The following UBE2E3 variants were observed in gnomAD, a reference collection of about 807,000 sequenced individuals.
The protein encoded by UBE2E3 is ubiquitin conjugating enzyme E2 E3.
A neutral mutation model predicts 23.6 loss-of-function variants in UBE2E3; 5 were observed. That is an observed-to-expected ratio of 0.21 (90% confidence interval 0.11 to 0.44). The LOEUF (loss-of-function observed/expected upper bound fraction) is 0.44. Among genes scored for constraint, UBE2E3 ranks in the 20% least tolerant of loss-of-function variants. The probability of loss-of-function intolerance (pLI) is 0.99; values close to 1 mark genes in which losing one functional copy is unlikely to be tolerated. For missense variants in UBE2E3, 81 were observed against 249.8 expected (o/e 0.32, Z 4.55); for synonymous variants, 78 against 87.5 (o/e 0.89, Z 0.60).
At chr2:181,040,612 G>C (rs1043013588) in intron 3 of UBE2E3, among the ~76,000 whole-genome samples, 2 of 152,092 alleles carry the variant, frequency 1.3e-5, no homozygotes, top group Non-Finnish European at 2.9e-5. Flanking sequence ...TTTCTATTTA[G>C]TATAAGGTAT....
chr2:181,046,083 T>C (rs1686666030), intron 3 of UBE2E3, among the ~76,000 whole-genome samples: 1 of 152,166 alleles, frequency 6.6e-6, no homozygotes. Flanking sequence ...CAGTACCCAC[T>C]AGTGCCTGGC....
intron 3 of UBE2E3, among the ~76,000 whole-genome samples, chr2:181,057,396 G>A (rs1210061866): frequency 1.3e-5 from 2 of 151,792 alleles, no homozygotes; most frequent in African/African-American, 4.8e-5. Flanking sequence ...TTAGAGGGGT[G>A]TGTGTTTCGG....
At chr2:181,038,316 A>G (rs534920697) in intron 3 of UBE2E3, among the ~76,000 whole-genome samples, 5 of 152,240 alleles carry the variant, frequency 3.3e-5, no homozygotes, top group African/African-American at 1.2e-4. Context: ...GCAATAGGCT[A>G]TACCATATAA....
intron 3 of UBE2E3, among the ~76,000 whole-genome samples, chr2:181,028,669 G>C (rs1165019508): frequency 6.6e-6 from 1 of 151,894 alleles, no homozygotes; most frequent in Middle Eastern, 3.2e-3. Context: ...ATTTTTTTAT[G>C]TTTATCTTCC....
At chr2:180,992,332 A>G (rs1161501144) in intron 3 of UBE2E3, among the ~76,000 whole-genome samples, 2 of 152,206 alleles carry the variant, frequency 1.3e-5, no homozygotes, top group African/African-American at 4.8e-5. Flanking sequence ...CTTAAACACA[A>G]GTATTAAGTA....
intron 3 of UBE2E3, among the ~76,000 whole-genome samples, chr2:181,022,442 A>C (rs1208702952): frequency 2.6e-5 from 4 of 152,128 alleles, no homozygotes; most frequent in African/African-American, 4.8e-5. Flanking sequence ...CTTCTAGTTA[A>C]TTATGTAAAT....
At chr2:181,030,621 G>A (rs1260301161) in intron 3 of UBE2E3, among the ~76,000 whole-genome samples, 1 of 152,020 alleles carries the variant, frequency 6.6e-6, no homozygotes, top group Admixed American at 6.5e-5. Flanking sequence ...ATTCTCAGAA[G>A]CGTTTTAAGA....
At chr2:181,016,788 T>C (rs971923756) in intron 3 of UBE2E3, among the ~76,000 whole-genome samples, 1 of 152,198 alleles carries the variant, frequency 6.6e-6, no homozygotes. Flanking sequence ...AGGAAACTGC[T>C]TGATAAATAA....
At chr2:180,997,977 A>C (rs1336435085) in intron 3 of UBE2E3, among the ~76,000 whole-genome samples, 1 of 152,048 alleles carries the variant, frequency 6.6e-6, no homozygotes, top group East Asian at 1.9e-4. Context: ...TGAACCGGGC[A>C]CTAGGACTGG....
At chr2:181,036,004 A>G (rs574968895) in intron 3 of UBE2E3, among the ~76,000 whole-genome samples, 25 of 152,348 alleles carry the variant, frequency 1.6e-4, no homozygotes, top group Admixed American at 4.6e-4. Flanking sequence ...AGTAAAGTCA[A>G]TCCTGATTTC....
intron 3 of UBE2E3, among the ~76,000 whole-genome samples, chr2:181,015,640 A>G (rs1685463022): frequency 1.3e-5 from 2 of 151,984 alleles, no homozygotes; most frequent in African/African-American, 4.8e-5. Flanking sequence ...ATAATAACAG[A>G]TAAGGATGGA....
chr2:181,026,563 A>T (rs976067248), intron 3 of UBE2E3, among the ~76,000 whole-genome samples: 1 of 151,510 alleles, frequency 6.6e-6, no homozygotes. Context: ...AAGGCTGAGG[A>T]AACAGAAAGT....
chr2:180,981,016 G>A (rs1456792862), intron 1 of UBE2E3, 43 bp downstream of exon 1: 1 of 146,866 alleles, frequency 6.8e-6, no homozygotes, highest in Non-Finnish European at 1.5e-5. Flanking sequence ...GGCGGCCGGG[G>A]CGGCGGCGGC....
chr2:181,029,860 C>T (rs529869368), intron 3 of UBE2E3, among the ~76,000 whole-genome samples: 1 of 139,108 alleles, frequency 7.2e-6, no homozygotes, highest in East Asian at 2.1e-4. Flanking sequence ...TTTTTTGAGA[C>T]GGAGTCTCTC....
At chr2:181,017,577 A>G (rs920693180) in intron 3 of UBE2E3, among the ~76,000 whole-genome samples, 2 of 151,722 alleles carry the variant, frequency 1.3e-5, no homozygotes, top group Admixed American at 1.3e-4. Flanking sequence ...TATGCATACC[A>G]TCCTTTTGGG....
chr2:181,062,050 C>T lies in UBE2E3; in HGVS notation c.527-741C>T, dbSNP rs116753070. The stretch of plus-strand genomic sequence containing the variant: ...AAGGCACTGGAAAAAAATACATATA[C>T]ACAACATAATATTCTAAATGCTTGT... On this transcript the variant is annotated intron_variant, in intron 5 of 5. Transcript: ENST00000410062. 4.5e-3 allele frequency among the ~76,000 whole-genome samples: 678 copies of T among 151,700 alleles called. 11 individuals are homozygous for T. Among genetic ancestry groups the T allele is most frequent in the African/African-American group, 0.015 (621 of 41,450 alleles).
At position 180,989,912 on chromosome 2, in the gene UBE2E3, G is replaced by A. The variant is rs1324822120; in HGVS notation, c.245+5819G>A. On this transcript the variant is annotated intron_variant, in intron 3 of 5. Coordinates refer to ENST00000410062, the MANE Select transcript of UBE2E3 (RefSeq NM_006357.4). The stretch of plus-strand genomic sequence containing the variant: ...TCAGCAAGTCTTGCATAGAGTGTAA[G>A]GACATTCAGATTGAGAATGAAGAAC... The A allele has an allele frequency of 1.9e-6, 3 of 1,549,434 alleles. No homozygotes were observed. The Admixed American group carries it at 5.9e-5, about 30-fold the overall frequency.
At chr2:181,047,127 T>C (rs956232314) in intron 3 of UBE2E3, among the ~76,000 whole-genome samples, 5 of 152,172 alleles carry the variant, frequency 3.3e-5, no homozygotes, top group African/African-American at 1.2e-4. Flanking sequence ...CTAGATGACG[T>C]CTTTAGTTTC....
At chr2:181,023,900 A>G (rs1457357354) in intron 3 of UBE2E3, among the ~76,000 whole-genome samples, 1 of 152,190 alleles carries the variant, frequency 6.6e-6, no homozygotes, top group African/African-American at 2.4e-5. Flanking sequence ...TATAATCATT[A>G]CTACTATTAT....
Sources: allele counts gnomAD v4.1 joint callset (sites outside exome capture counted in the v4.1 genomes callset), GRCh38; gene constraint gnomAD v4.1.1; transcripts MANE v1.5; gene names NCBI Gene and HGNC (gene_info 2026-07-23, HGNC 2026-07-21).